EDNRB: variants seen among roughly 807,000 people sequenced by gnomAD.
EDNRB encodes the protein endothelin receptor type B.
In EDNRB, 18 loss-of-function variants were observed where a neutral mutation model predicts 46.4. The ratio of observed to expected loss-of-function variants is 0.39; its 90% CI spans 0.27 to 0.57. The LOEUF is 0.57. Among genes scored for constraint, EDNRB ranks in the 20% least tolerant of loss-of-function variants. EDNRB has a pLI of 0.61. For missense variants in EDNRB, 434 were observed against 537.5 expected, an observed-to-expected ratio of 0.81 and a Z score of 1.90; for synonymous variants, 213 against 204.9, an observed-to-expected ratio of 1.04 and a Z score of -0.34.
chr13:77,914,099 A>G (rs573667868), intron 1 of EDNRB, among the ~76,000 whole-genome samples: 1 of 152,348 alleles, frequency 6.6e-6, no homozygotes, highest in Non-Finnish European at 1.5e-5. Flanking sequence ...AGAGTACAAG[A>G]ATAACTTTCT....
At chr13:77,972,897 T>A (rs1431529013) in intron 1 of EDNRB, among the ~76,000 whole-genome samples, 1 of 152,226 alleles carries the variant, frequency 6.6e-6, no homozygotes, top group East Asian at 1.9e-4. Context: ...TCAGGTGTGA[T>A]GAGTCCATCC....
At chr13:77,939,832 C>G (rs1276219447) in intron 1 of EDNRB, 4 of 151,954 alleles carry the variant, frequency 2.6e-5, no homozygotes, top group Non-Finnish European at 5.9e-5. Flanking sequence ...TCTGTCCCCA[C>G]TAAAAATACA....
intron 1 of EDNRB, among the ~76,000 whole-genome samples, chr13:77,969,425 AC>A (rs1252701976): frequency 6.6e-6 from 1 of 152,292 alleles, no homozygotes; most frequent in East Asian, 1.9e-4. Context: ...GGAGTGTGGT[AC>A]AATTATGTCT....
rs2137639243 is a variant in EDNRB, at chr13:77,918,131, A to G, written c.443T>C (p.Leu148Pro). The G allele has an allele frequency of 6.2e-7, 1 of 1,614,204 alleles. No homozygotes were observed. The highest frequency in any genetic ancestry group is 8.5e-7 in the Non-Finnish European group (1 of 1,180,034). The change falls in exon 1 of 7, where the codon CTG becomes CCG. Residue 148 changes from leucine to proline, a missense_variant. By Grantham distance (98) the Leu-to-Pro change is moderately conservative (BLOSUM62 -3). Transcript: ENST00000646607. The surrounding 1 kb of genome is among the most constrained non-coding windows in gnomAD (Gnocchi z 4.5). ...ILIASLALGD[L>P]LHIVIDIPIN... ...AGGGATGTCAATGACGATGTGCAGCAGGTCTCCCAGAGCCAAGCTGGCGAT... is the reference window on the plus strand; with the variant it reads ...AGGGATGTCAATGACGATGTGCAGCGGGTCTCCCAGAGCCAAGCTGGCGAT...
chr13:77,919,396 C>T, upstream of EDNRB: 1 of 1,609,168 alleles, frequency 6.2e-7, no homozygotes, highest in Non-Finnish European at 8.5e-7. Context: ...CGAATGTTTA[C>T]CTCTCGGATC....
At chr13:77,916,560 C>T (rs936407735) in intron 1 of EDNRB, among the ~76,000 whole-genome samples, 5 of 152,174 alleles carry the variant, frequency 3.3e-5, no homozygotes, top group African/African-American at 7.2e-5. Context: ...CCACTCTCAC[C>T]GCTAAACCTC....
At chr13:77,921,039 ACTTTT>A (rs1880072960), upstream of EDNRB, among the ~76,000 whole-genome samples, 1 of 152,042 alleles carries the variant, frequency 6.6e-6, no homozygotes, top group South Asian at 2.1e-4. Context: ...CTATCTCTTT[ACTTTT>A]CTTGGAGCAC....
Position 77,900,776 on chromosome 13 carries a change from C to T in EDNRB, c.952-122G>A, listed in dbSNP as rs1878927679. 5 of 1,395,304 alleles carry T rather than the reference C, an allele frequency of 3.6e-6. No homozygotes were observed. In the East Asian group the frequency reaches 9.8e-5, roughly 27 times the overall value. 86.4% of individuals were successfully genotyped at this position (1,395,304 alleles called of 1,614,324 possible). A position where few individuals can be genotyped will look rare whatever the true frequency, so the allele number is the denominator to read the frequency against. The stretch of plus-strand genomic sequence containing the variant: ...CAGTGGCATATGTAAAAACTCAGGA[C>T]ACTGAGCTTTATATGGAATAGTTAA... On this transcript the variant is annotated intron_variant, in intron 4 of 6. Coordinates refer to ENST00000646607, the MANE Select transcript of EDNRB (RefSeq NM_001122659.3).
At chr13:77,939,657 T>C (rs1019788890) in intron 1 of EDNRB, 4 of 152,202 alleles carry the variant, frequency 2.6e-5, no homozygotes, top group Non-Finnish European at 5.9e-5. Flanking sequence ...TATCTGATTC[T>C]CTTTCCTAGA....
In EDNRB at chr13:77,927,544, T is replaced by C. The variant is rs879574455; in HGVS notation, c.-51-8920A>G. Among the ~76,000 whole-genome samples, 25 of 152,348 alleles carry C rather than the reference T, an allele frequency of 1.6e-4. 1 individual carries two copies. Among genetic ancestry groups the C allele is most frequent in the Admixed American group, 1.4e-3 (22 of 15,310 alleles). ...GTGAATTTGACAATCAGGAACCTGA[T>C]ATAGGTGTATTCATATTTTTCCAAT... On this transcript the variant is annotated intron_variant, in intron 1 of 7. Coordinates refer to the EDNRB transcript ENST00000646948.
chr13:77,902,608 T>A (rs183057554), intron 3 of EDNRB, among the ~76,000 whole-genome samples: 1 of 151,906 alleles, frequency 6.6e-6, no homozygotes, highest in East Asian at 1.9e-4. Flanking sequence ...ACCCCACCAC[T>A]CCAGCTCGTA....
chr13:77,949,595 G>A (rs1028918898), intron 1 of EDNRB, among the ~76,000 whole-genome samples: 1 of 152,090 alleles, frequency 6.6e-6, no homozygotes, highest in African/African-American at 2.4e-5. Context: ...TGAGTTCTGT[G>A]GGAACACGGA....
At chr13:77,905,706 G>C (rs1178211472) in intron 1 of EDNRB, among the ~76,000 whole-genome samples, 1 of 151,948 alleles carries the variant, frequency 6.6e-6, no homozygotes, top group Non-Finnish European at 1.5e-5. Flanking sequence ...CATTTGAGGA[G>C]AGACTTGACT....
intron 1 of EDNRB, among the ~76,000 whole-genome samples, chr13:77,968,635 T>A (rs1256541229): frequency 1.3e-5 from 2 of 152,124 alleles, no homozygotes; most frequent in Non-Finnish European, 2.9e-5. Context: ...TTAAGTGCTA[T>A]GAAGGAAACA....
intron 1 of EDNRB, among the ~76,000 whole-genome samples, chr13:77,905,277 C>A (rs1879218160): frequency 6.6e-6 from 1 of 151,784 alleles, no homozygotes; most frequent in African/African-American, 2.4e-5. Context: ...GCTCCAAATA[C>A]AAAAATCTCT....
intron 1 of EDNRB, among the ~76,000 whole-genome samples, chr13:77,928,985 G>A (rs1249120799): frequency 6.6e-6 from 1 of 152,128 alleles, no homozygotes; most frequent in East Asian, 1.9e-4. Flanking sequence ...ATCCAAAGTA[G>A]GCATTTTCAG....
intron 1 of EDNRB, among the ~76,000 whole-genome samples, chr13:77,914,522 G>A (rs1594370345): frequency 6.6e-6 from 1 of 152,160 alleles, no homozygotes; most frequent in East Asian, 1.9e-4. Context: ...TAGCCCTAGT[G>A]TGTGCCTATG....
chr13:77,948,639 G>T (rs553406284), intron 1 of EDNRB, among the ~76,000 whole-genome samples: 19 of 152,326 alleles, frequency 1.2e-4, no homozygotes, highest in Non-Finnish European at 2.4e-4. Context: ...ATGGAGTGAA[G>T]AATGAGATGA....
chr13:77,924,028 T>A (rs1213324311), upstream of EDNRB, among the ~76,000 whole-genome samples: 1 of 152,214 alleles, frequency 6.6e-6, no homozygotes, highest in African/African-American at 2.4e-5. Flanking sequence ...TGAGATTTAA[T>A]TGTAGGGGAA....
Sources: allele counts gnomAD v4.1 joint callset (sites outside exome capture counted in the v4.1 genomes callset), GRCh38; gene constraint gnomAD v4.1.1; non-coding constraint Gnocchi (gnomAD v3.1); transcripts MANE v1.5; gene names NCBI Gene and HGNC (gene_info 2026-07-23, HGNC 2026-07-21).